ARID4A: variants seen among roughly 807,000 people sequenced by gnomAD.
ARID4A encodes AT-rich interaction domain 4A, also known as AT-rich interactive domain-containing protein 4A.
A neutral mutation model predicts 148.6 loss-of-function variants in ARID4A; 39 were observed. That is an observed-to-expected ratio of 0.26 (90% CI 0.20 to 0.34). The LOEUF is 0.34. Among genes scored for constraint, ARID4A ranks in the 10% least tolerant of loss-of-function variants. The pLI, the probability that ARID4A is intolerant of heterozygous loss-of-function variation, is 1.00. For synonymous variants in ARID4A, 475 were observed against 481.2 expected, an observed-to-expected ratio of 0.99 and a Z score of 0.17; for missense variants, 1,265 against 1,449.1, an observed-to-expected ratio of 0.87 and a Z score of 2.06.
rs532804484 is a variant in ARID4A, at chr14:58,324,053, T to C, written c.582+436T>C. Among the ~76,000 whole-genome samples the C allele has an allele frequency of 1.2e-3, 179 of 151,930 alleles. 2 individuals are homozygous for C. Among genetic ancestry groups the C allele is most frequent in the African/African-American group, 2.4e-3 (100 of 41,466 alleles). ...CGGAGTAGCTGGGACAACAGGCGCC[T>C]GCCACCACGCCTGGCTAATTTTTTG... is the stretch of plus-strand genomic sequence containing the variant. On this transcript the variant is annotated intron_variant, in intron 8 of 23. Coordinates refer to ENST00000355431, the MANE Select transcript of ARID4A (RefSeq NM_002892.4).
chr14:58,312,198 T>C (rs2032090918), intron 5 of ARID4A, among the ~76,000 whole-genome samples: 1 of 151,962 alleles, frequency 6.6e-6, no homozygotes, highest in South Asian at 2.1e-4. Context: ...ATAAGATAAA[T>C]ACATACTATT....
At position 58,364,881 on chromosome 14, in the gene ARID4A, A is replaced by G. The variant is rs2035286357; in HGVS notation, c.2792A>G (p.Asp931Gly). ...CIQQLTSERF[D>G]SPAEETVNIP... The stretch of plus-strand genomic sequence containing the variant: ...CAACAACTGACTAGTGAAAGATTTG[A>G]TAGTCCAGCTGAAGAAACTGTAAAT... The change falls in exon 20 of 24, where the codon GAT (aspartate) becomes GGT (glycine). Residue 931 changes from aspartate to glycine, a missense_variant. Around this residue, in one of 9 missense-constraint regions of ARID4A, gnomAD observed 666 missense variants for 730.9 expected, o/e 0.91. Transcript: ENST00000355431. 6.2e-7 allele frequency: 1 copy of G among 1,614,192 alleles called. No individual in the cohort carries two copies. Among genetic ancestry groups the G allele is most frequent in the African/African-American group, 1.3e-5 (1 of 75,072 alleles).
chr14:58,342,967 T>G (rs1420701980), intron 11 of ARID4A, among the ~76,000 whole-genome samples: 6 of 152,144 alleles, frequency 3.9e-5, no homozygotes, highest in Admixed American at 1.3e-4. Flanking sequence ...ATATTACGAT[T>G]ACAGGGCACA....
intron 11 of ARID4A, among the ~76,000 whole-genome samples, chr14:58,336,547 T>C (rs1263977229): frequency 9.7e-6 from 1 of 103,222 alleles, no homozygotes; most frequent in African/African-American, 3.5e-5. Flanking sequence ...ATTTGCTGTT[T>C]CCCTAAGGTG....
intron 17 of ARID4A, among the ~76,000 whole-genome samples, chr14:58,354,165 G>A (rs2034763144): frequency 6.6e-6 from 1 of 152,146 alleles, no homozygotes; most frequent in African/African-American, 2.4e-5. Flanking sequence ...AATCAACAGA[G>A]GCTCAAGGCA....
chr14:58,347,378 A>G (rs956227077), intron 14 of ARID4A, among the ~76,000 whole-genome samples: 1 of 152,204 alleles, frequency 6.6e-6, no homozygotes, highest in African/African-American at 2.4e-5. Context: ...TTACAGAGCT[A>G]CATCTTTTGG....
intron 11 of ARID4A, among the ~76,000 whole-genome samples, chr14:58,343,586 T>C (rs2034216253): frequency 6.6e-6 from 1 of 152,172 alleles, no homozygotes; most frequent in Non-Finnish European, 1.5e-5. Context: ...CCCAGCACTT[T>C]GGGAGGCTGG....
chr14:58,335,639 C>T (rs927030570), intron 11 of ARID4A, among the ~76,000 whole-genome samples: 1 of 152,116 alleles, frequency 6.6e-6, no homozygotes, highest in Admixed American at 6.5e-5. Context: ...CTTGTACGTA[C>T]TCAGACTCAG....
chr14:58,316,845 G>T (rs988881358), intron 5 of ARID4A, among the ~76,000 whole-genome samples: 1 of 151,874 alleles, frequency 6.6e-6, no homozygotes, highest in Non-Finnish European at 1.5e-5. Context: ...CTCCCAAAGT[G>T]CTGAGATTAC....
chr14:58,317,462 A>T (rs1328306617), intron 5 of ARID4A, among the ~76,000 whole-genome samples: 1 of 148,036 alleles, frequency 6.8e-6, no homozygotes, highest in East Asian at 2.1e-4. Context: ...TTTTTTTTGT[A>T]TTTTTAGTAG....
chr14:58,347,563 C>T, intron 14 of ARID4A, 84 bp from the exon 15 acceptor site: 4 of 1,130,648 alleles, frequency 3.5e-6, no homozygotes, highest in Non-Finnish European at 3.6e-6. Context: ...CTGGGCTTTA[C>T]TTTTTAAAAA....
At chr14:58,368,653 G>C (rs1218265803) in intron 23 of ARID4A, among the ~76,000 whole-genome samples, 1 of 151,950 alleles carries the variant, frequency 6.6e-6, no homozygotes, top group Admixed American at 6.6e-5. Flanking sequence ...TATTTGAAAT[G>C]CTTGGGTCTA....
intron 22 of ARID4A, 21 bp downstream of exon 22, chr14:58,366,251 TTGATAGA>T (rs945788366): frequency 2.5e-5 from 38 of 1,549,218 alleles, no homozygotes; most frequent in Non-Finnish European, 3.1e-5. Flanking sequence ...TATAGAAAAC[TTGATAGA>T]TGAATACTGT....
chr14:58,304,896 A>C, intron 3 of ARID4A, 48 bp from the exon 4 acceptor site: 1 of 1,437,172 alleles, frequency 7.0e-7, no homozygotes, highest in Non-Finnish European at 9.7e-7. Context: ...CTATAAATGT[A>C]TTTGTTTTAA....
chr14:58,337,456 A>G (rs1019485201), intron 11 of ARID4A, among the ~76,000 whole-genome samples: 4 of 151,902 alleles, frequency 2.6e-5, no homozygotes, highest in Admixed American at 2.6e-4. Context: ...TTAAACCTTC[A>G]TTAAATGAAT....
chr14:58,363,413 T>C (rs1169308938), intron 19 of ARID4A, among the ~76,000 whole-genome samples: 4 of 152,158 alleles, frequency 2.6e-5, no homozygotes, highest in Admixed American at 1.3e-4. Context: ...TTTAAAAACT[T>C]TTCTTGCTGG....
At chr14:58,321,014 A>G (rs757741548) in intron 7 of ARID4A, among the ~76,000 whole-genome samples, 12 of 152,176 alleles carry the variant, frequency 7.9e-5, no homozygotes, top group Admixed American at 2.6e-4. Flanking sequence ...ATTATACTCC[A>G]TAAGTGATGT....
At chr14:58,318,656 T>C in intron 6 of ARID4A, 35 bp downstream of exon 6, 1 of 1,613,072 alleles carries the variant, frequency 6.2e-7, no homozygotes, top group South Asian at 1.1e-5. Flanking sequence ...TGGATTGAAC[T>C]ACAGGTACTG....
chr14:58,345,840 C>G (rs1566704896), intron 12 of ARID4A, among the ~76,000 whole-genome samples: 1 of 149,254 alleles, frequency 6.7e-6, no homozygotes, highest in Non-Finnish European at 1.5e-5. Context: ...AAGCAGTCCT[C>G]CCACCTCAGG....
Sources: allele counts gnomAD v4.1 joint callset (sites outside exome capture counted in the v4.1 genomes callset), GRCh38; gene constraint gnomAD v4.1.1; regional missense constraint gnomAD v4.1.1; transcripts MANE v1.5; gene names NCBI Gene and HGNC (gene_info 2026-07-23, HGNC 2026-07-21).